The following DPP10 variants were observed in gnomAD, a reference collection of about 807,000 sequenced individuals.
The protein encoded by DPP10 is dipeptidyl peptidase like 10.
DPP10 carries 33 observed loss-of-function variants against 120.9 expected under a neutral mutation model. That is an observed-to-expected ratio of 0.27 (90% CI 0.21 to 0.37). The LOEUF is 0.37. DPP10 is among the 10% of genes least tolerant of loss of function. DPP10 has a pLI of 1.00. For missense variants in DPP10, 816 were observed against 942.8 expected, an observed-to-expected ratio of 0.87 and a Z score of 1.76; for synonymous variants, 337 against 326.1, an observed-to-expected ratio of 1.03 and a Z score of -0.36.
At chr2:114,972,803 G>A (rs1047336502) in intron 1 of DPP10, among the ~76,000 whole-genome samples, 2 of 152,160 alleles carry the variant, frequency 1.3e-5, no homozygotes, top group Admixed American at 1.3e-4. Context: ...CTGCGACTGG[G>A]GAAATATAAT....
chr2:114,480,025 A>G (rs1033017976), intron 1 of DPP10, among the ~76,000 whole-genome samples: 25 of 152,234 alleles, frequency 1.6e-4, no homozygotes, highest in African/African-American at 6.0e-4. Context: ...CAAGAAAAAA[A>G]CAACTCCATC....
At chr2:114,453,194 C>T (rs1349726731) in intron 1 of DPP10, among the ~76,000 whole-genome samples, 1 of 152,078 alleles carries the variant, frequency 6.6e-6, no homozygotes, top group African/African-American at 2.4e-5. Flanking sequence ...AGTTGCACCA[C>T]ACTGTGAAAA....
intron 3 of DPP10, among the ~76,000 whole-genome samples, chr2:115,366,926 T>C (rs1517361): frequency 0.66 from 100,211 of 151,890 alleles, 33,477 homozygotes; most frequent in Admixed American, 0.74. Flanking sequence ...GTGTTGGTCA[T>C]GCCCAAGACA....
At chr2:114,604,997 G>A (rs974234092) in intron 1 of DPP10, among the ~76,000 whole-genome samples, 2 of 152,018 alleles carry the variant, frequency 1.3e-5, no homozygotes, top group African/African-American at 4.8e-5. Flanking sequence ...CATCTCTTCT[G>A]TTGAATCAAA....
At chr2:115,118,358 C>T (rs1278120524) in intron 1 of DPP10, among the ~76,000 whole-genome samples, 1 of 152,142 alleles carries the variant, frequency 6.6e-6, no homozygotes, top group African/African-American at 2.4e-5. Context: ...GTTAACAGTG[C>T]CAGCTTTCAA....
intron 9 of DPP10, among the ~76,000 whole-genome samples, chr2:115,741,373 T>C (rs1677249524): frequency 6.6e-6 from 1 of 151,948 alleles, no homozygotes; most frequent in African/African-American, 2.4e-5. Flanking sequence ...TACTAAGAGA[T>C]TTTTATTGTA....
intron 5 of DPP10, among the ~76,000 whole-genome samples, chr2:115,665,619 T>C: frequency 6.6e-6 from 1 of 152,232 alleles, no homozygotes; most frequent in East Asian, 1.9e-4. Flanking sequence ...TCTATTCCTT[T>C]ATTCATTTTA....
chr2:115,038,673 G>A (rs578078708), intron 1 of DPP10, among the ~76,000 whole-genome samples: 1 of 152,078 alleles, frequency 6.6e-6, no homozygotes, highest in Admixed American at 6.5e-5. Flanking sequence ...CTTTTACTAC[G>A]TATTGATGAG....
chr2:115,306,479 A>G (rs1322149428), intron 1 of DPP10, among the ~76,000 whole-genome samples: 1 of 152,106 alleles, frequency 6.6e-6, no homozygotes, highest in Non-Finnish European at 1.5e-5. Flanking sequence ...GATACAGATA[A>G]TTATTCTTCT....
chr2:114,918,692 G>C (rs563816502), intron 1 of DPP10, among the ~76,000 whole-genome samples: 4 of 152,114 alleles, frequency 2.6e-5, no homozygotes, highest in Non-Finnish European at 5.9e-5. Context: ...ATTAATGCAG[G>C]AATAGAAAAC....
intron 4 of DPP10, among the ~76,000 whole-genome samples, chr2:115,514,794 C>T (rs2148852467): frequency 6.6e-6 from 1 of 151,894 alleles, no homozygotes; most frequent in East Asian, 1.9e-4. Flanking sequence ...AGAACTGTTG[C>T]AGATGTATAT....
intron 1 of DPP10, among the ~76,000 whole-genome samples, chr2:115,250,983 A>G (rs1265099546): frequency 6.6e-6 from 1 of 152,178 alleles, no homozygotes; most frequent in Non-Finnish European, 1.5e-5. Flanking sequence ...TGAAAGTAAG[A>G]GTCAGATTTT....
intron 5 of DPP10, among the ~76,000 whole-genome samples, chr2:115,546,192 A>G (rs1011444525): frequency 6.6e-6 from 1 of 152,158 alleles, no homozygotes; most frequent in African/African-American, 2.4e-5. Flanking sequence ...TAAAACATCT[A>G]TCAAAGGTAG....
chr2:115,679,584 A>T (rs943347641), intron 5 of DPP10, among the ~76,000 whole-genome samples: 3 of 152,192 alleles, frequency 2.0e-5, no homozygotes, highest in Non-Finnish European at 4.4e-5. Flanking sequence ...AATAGTATGG[A>T]ATCATTGTAA....
At chr2:115,672,666 T>TTCTCTCTCTCTC (rs1178410248) in intron 5 of DPP10, among the ~76,000 whole-genome samples, 176 of 130,132 alleles carry the variant, frequency 1.4e-3, no homozygotes, top group African/African-American at 5.3e-3. Context: ...CTTTCTTTCT[T>TTCTCTCTCTCTC]TCTCTCTTTC....
chr2:115,769,610 A>G (rs1681208673), intron 13 of DPP10, among the ~76,000 whole-genome samples: 1 of 152,030 alleles, frequency 6.6e-6, no homozygotes. Context: ...GTTATAAACT[A>G]ATGTATAATG....
chr2:114,961,338 G>C (rs931261636), intron 1 of DPP10, among the ~76,000 whole-genome samples: 1 of 152,084 alleles, frequency 6.6e-6, no homozygotes, highest in Non-Finnish European at 1.5e-5. Flanking sequence ...AAAGGCATGA[G>C]CCACTGCGCC....
chr2:115,594,305 A>T (rs1337552278), intron 5 of DPP10, among the ~76,000 whole-genome samples: 3 of 152,172 alleles, frequency 2.0e-5, no homozygotes, highest in Admixed American at 1.3e-4. Flanking sequence ...ACTTACAAAT[A>T]ATTTCCAAAT....
At chr2:114,806,160 T>C (rs1242048964) in intron 1 of DPP10, among the ~76,000 whole-genome samples, 1 of 152,242 alleles carries the variant, frequency 6.6e-6, no homozygotes, top group African/African-American at 2.4e-5. Context: ...ACTTTTCAAA[T>C]TCACTAGCAA....
Sources: allele counts gnomAD v4.1 joint callset (sites outside exome capture counted in the v4.1 genomes callset), GRCh38; gene constraint gnomAD v4.1.1; transcripts MANE v1.5; gene names NCBI Gene and HGNC (gene_info 2026-07-23, HGNC 2026-07-21).